Variants in LPP observed in about 807,000 individuals in gnomAD.
The protein encoded by LPP is lipoma-preferred partner.
A neutral mutation model predicts 60.4 loss-of-function variants in LPP; 38 were observed. That is an observed-to-expected ratio of 0.63 (90% confidence interval 0.49 to 0.83). The LOEUF (loss-of-function observed/expected upper bound fraction) is 0.83, where lower values mean the gene tolerates loss of function less well. Ranked by LOEUF, LPP falls within the 40% of genes least tolerant of loss-of-function variation. LPP has a pLI of 0.00. For synonymous variants in LPP, 328 were observed against 290.8 expected (o/e 1.13, Z -1.30); for missense variants, 902 against 783.6 (o/e 1.15, Z -1.80).
chr3:188,642,064 T>C (rs1415707059), intron 7 of LPP, among the ~76,000 whole-genome samples: 1 of 152,150 alleles, frequency 6.6e-6, no homozygotes, highest in Non-Finnish European at 1.5e-5. Flanking sequence ...CATCTGCCCA[T>C]GCTTACTTCA....
chr3:188,221,590 G>C (rs1247152822), intron 1 of LPP, among the ~76,000 whole-genome samples: 1 of 152,196 alleles, frequency 6.6e-6, no homozygotes, highest in Non-Finnish European at 1.5e-5. Context: ...GTTTGATCAT[G>C]AGCCCGGCCA....
chr3:188,584,542 TA>T (rs1169288626), intron 6 of LPP: 3 of 110,840 alleles, frequency 2.7e-5, no homozygotes, highest in African/African-American at 6.4e-5. Context: ...CTTTTAATTT[TA>T]GTCGTGTGTG....
At chr3:188,466,008 G>T (rs1800278094) in intron 4 of LPP, among the ~76,000 whole-genome samples, 1 of 152,134 alleles carries the variant, frequency 6.6e-6, no homozygotes, top group Admixed American at 6.6e-5. Flanking sequence ...CATGAAGAAG[G>T]TTTAGGGATT....
At position 188,609,651 on chromosome 3, in the gene LPP, A is replaced by G. The variant is rs751715162; in HGVS notation, c.920A>G (p.Tyr307Cys). 1.1e-5 allele frequency: 17 copies of G among 1,614,014 alleles called. No homozygotes were observed. Among genetic ancestry groups the G allele is most frequent in the African/African-American group, 1.3e-5 (1 of 74,926 alleles). ...YEGYYAAGPG[Y>C]GGRNDSDPTY... ...GGCTACTATGCAGCAGGGCCAGGCT[A>G]TGGGGGCAGAAATGACTCTGACCCT... The change falls in exon 7 of 12, where the codon TAT (tyrosine) becomes TGT (cysteine). Residue 307 changes from tyrosine to cysteine, a missense_variant. By Grantham distance (194) the Tyr-to-Cys change is radical. Transcript: ENST00000617246. This position sits in a 1 kb window ranked among gnomAD's most constrained non-coding sequence, Gnocchi z 6.9.
chr3:188,174,013 T>C (rs1722359769), intron 1 of LPP, among the ~76,000 whole-genome samples: 1 of 152,254 alleles, frequency 6.6e-6, no homozygotes, highest in Non-Finnish European at 1.5e-5. Context: ...GCCACAGTTT[T>C]ACCCTGTGAA....
chr3:188,191,122 T>C (rs1728055535), intron 1 of LPP, among the ~76,000 whole-genome samples: 2 of 152,084 alleles, frequency 1.3e-5, no homozygotes, highest in Admixed American at 1.3e-4. Flanking sequence ...CCCAGCCACT[T>C]GAGAGGCTGA....
chr3:188,350,099 T>C (rs954369864), intron 3 of LPP, among the ~76,000 whole-genome samples: 2 of 152,212 alleles, frequency 1.3e-5, no homozygotes, highest in Non-Finnish European at 2.9e-5. Flanking sequence ...TAGAAGATAC[T>C]TGGCTGAGTG....
intron 6 of LPP, among the ~76,000 whole-genome samples, chr3:188,589,585 G>C (rs538257816): frequency 6.6e-6 from 1 of 152,244 alleles, no homozygotes; most frequent in African/African-American, 2.4e-5. Context: ...TCTTTAAAAA[G>C]ATTATATCCT....
chr3:188,848,951 C>A lies in LPP; in HGVS notation c.1411-17249C>A, dbSNP rs3843394. Among the ~76,000 whole-genome samples the A allele has an allele frequency of 2.3e-3, 335 of 148,530 alleles. 2 individuals are homozygous for A. The highest frequency in any genetic ancestry group is 8.1e-3 in the African/African-American group (325 of 40,136). On this transcript the variant is annotated intron_variant, in intron 9 of 11. Transcript: ENST00000617246. ...ACTGCACTCCAGTCTGATGACAGAA[C>A]GAGACTCTGTCTCAAAAAAAAAAAA...
chr3:188,328,942 T>C (rs1202893592), intron 2 of LPP, among the ~76,000 whole-genome samples: 1 of 152,240 alleles, frequency 6.6e-6, no homozygotes, highest in African/African-American at 2.4e-5. Context: ...ACTGGCTCCC[T>C]GTCCCGCTTA....
intron 2 of LPP, among the ~76,000 whole-genome samples, chr3:188,332,181 A>G (rs1344279471): frequency 6.6e-6 from 1 of 152,042 alleles, no homozygotes; most frequent in Middle Eastern, 3.4e-3. Context: ...ATTTAACATG[A>G]TTTTCTTGAC....
intron 4 of LPP, among the ~76,000 whole-genome samples, chr3:188,447,424 A>G (rs893008115): frequency 6.6e-6 from 1 of 152,196 alleles, no homozygotes; most frequent in East Asian, 1.9e-4. Context: ...AGCCTGCCCA[A>G]CATGGTGAAA....
rs1369648341 is a variant in LPP at position 188,373,422 on chromosome 3, C to T, written c.-10+31703C>T. Among the ~76,000 whole-genome samples the T allele has an allele frequency of 2.0e-5, 3 of 152,296 alleles. No individual in the cohort carries two copies. The East Asian group carries it at 5.8e-4, about 29-fold the overall frequency. ...TTCTAACTGGTGTGAGATGGTATCT[C>T]ATTGTGGTTTTGATTTGCATTTCTC... On this transcript the variant is annotated intron_variant, in intron 3 of 11. Coordinates refer to ENST00000617246, the MANE Select transcript of LPP (RefSeq NM_001375462.1).
intron 5 of LPP, among the ~76,000 whole-genome samples, chr3:188,487,595 T>C (rs1437253865): frequency 6.6e-6 from 1 of 152,212 alleles, no homozygotes; most frequent in African/African-American, 2.4e-5. Flanking sequence ...AGACGCTTCA[T>C]ATGGAAGATT....
rs1391236353 is a variant in LPP, at chr3:188,495,081, TA to T, written c.306+10378del. Among the ~76,000 whole-genome samples, 16 of 102,120 alleles carry T rather than the reference TA, an allele frequency of 1.6e-4. 2 individuals carry two copies. The highest frequency in any genetic ancestry group is 8.4e-4 in the South Asian group (3 of 3,576). The allele number at this position is 102,120 out of a possible 152,430, so 67.0% of individuals were successfully genotyped here. On this transcript the variant is annotated intron_variant, in intron 5 of 11. Transcript: ENST00000617246. ...TCAGGATTTTATATATATATATATA[TA>T]TTTTATTTATATTTTATTATATATT...
At chr3:188,545,901 A>G (rs1413535947) in intron 6 of LPP, among the ~76,000 whole-genome samples, 1 of 152,200 alleles carries the variant, frequency 6.6e-6, no homozygotes, top group Non-Finnish European at 1.5e-5. Context: ...GTAAGGCTCC[A>G]GACAAGTTTG....
At chr3:188,336,000 G>A (rs1159617729) in intron 2 of LPP, among the ~76,000 whole-genome samples, 4 of 152,168 alleles carry the variant, frequency 2.6e-5, no homozygotes, top group Non-Finnish European at 1.5e-5. Flanking sequence ...TACGTTCAAT[G>A]TCAGCAATAA....
At chr3:188,264,810 C>G (rs1482480446) in intron 2 of LPP, among the ~76,000 whole-genome samples, 3 of 152,094 alleles carry the variant, frequency 2.0e-5, no homozygotes, top group Admixed American at 6.5e-5. Flanking sequence ...CTCTCTCTTT[C>G]TTTTCTTTCC....
intron 2 of LPP, among the ~76,000 whole-genome samples, chr3:188,276,965 A>G (rs1740169301): frequency 8.2e-6 from 1 of 122,020 alleles, no homozygotes; most frequent in African/African-American, 3.2e-5. Flanking sequence ...GTATAGTGGC[A>G]TGATCTTAGC....
Sources: allele counts gnomAD v4.1 joint callset (sites outside exome capture counted in the v4.1 genomes callset), GRCh38; gene constraint gnomAD v4.1.1; non-coding constraint Gnocchi (gnomAD v3.1); transcripts MANE v1.5; gene names NCBI Gene and HGNC (gene_info 2026-07-23, HGNC 2026-07-21).